Variants in ARMC10 observed in about 807,000 individuals in gnomAD.
ARMC10 encodes armadillo repeat-containing protein 10.
Under a neutral mutation model 30.2 loss-of-function variants are expected in ARMC10, and 23 were observed. The ratio of observed to expected loss-of-function variants is 0.76; its 90% CI spans 0.55 to 1.08. ARMC10 has a LOEUF of 1.08. Among genes scored for constraint, ARMC10 ranks in the 50% least tolerant of loss-of-function variants. ARMC10 has a pLI of 0.00. For synonymous variants in ARMC10, 111 were observed against 164.4 expected (o/e 0.68, Z 2.48); for missense variants, 303 against 413.7 (o/e 0.73, Z 2.32).
At chr7:103,075,517 A>G in intron 1 of ARMC10, 106 bp downstream of exon 1, 3 of 1,137,328 alleles carry the variant, frequency 2.6e-6, no homozygotes, top group Admixed American at 8.3e-5. Context: ...GAGCCGAGCT[A>G]GAGGGAGAGG....
At chr7:103,096,759 A>T (rs1428093203) in intron 5 of ARMC10, 1 of 154,700 alleles carries the variant, frequency 6.5e-6, no homozygotes, top group Non-Finnish European at 1.4e-5. Context: ...GGCCGACACC[A>T]TCATGCCTGG....
At chr7:103,097,466 T>TA in intron 6 of ARMC10, 118 bp downstream of exon 6, 1 of 641,194 alleles carries the variant, frequency 1.6e-6, no homozygotes, top group Non-Finnish European at 2.4e-6. Flanking sequence ...GGAGCAGTAT[T>TA]AAAGGTGGTT....
At chr7:103,086,899 A>G (rs765441794) in intron 4 of ARMC10, 135 bp downstream of exon 4, 17 of 1,521,160 alleles carry the variant, frequency 1.1e-5, no homozygotes, top group Non-Finnish European at 1.5e-5. Context: ...AATGGAGAAT[A>G]AGACAGAAGA....
At chr7:103,080,280 A>C (rs150117060) in intron 2 of ARMC10, among the ~76,000 whole-genome samples, 2,198 of 152,322 alleles carry the variant, frequency 0.014, 20 homozygotes, top group Middle Eastern at 0.031. Context: ...TTTGAGATGG[A>C]GTGTTGCTCT....
At chr7:103,076,442 G>A (rs1799833181) in intron 2 of ARMC10, among the ~76,000 whole-genome samples, 1 of 152,214 alleles carries the variant, frequency 6.6e-6, no homozygotes, top group African/African-American at 2.4e-5. Flanking sequence ...CTTCCTGGAA[G>A]AGTAGGTTTC....
chr7:103,081,560 A>C (rs909139995), intron 2 of ARMC10, among the ~76,000 whole-genome samples: 13 of 152,154 alleles, frequency 8.5e-5, no homozygotes, highest in Admixed American at 8.5e-4. Flanking sequence ...TTTTTAGTAG[A>C]GATGGGGTTT....
At chr7:103,082,839 C>T (rs1800509036) in intron 2 of ARMC10, among the ~76,000 whole-genome samples, 1 of 152,202 alleles carries the variant, frequency 6.6e-6, no homozygotes, top group Non-Finnish European at 1.5e-5. Context: ...TGAGCAGATC[C>T]AGCATTTGGC....
At chr7:103,077,192 A>G (rs367745015) in intron 2 of ARMC10, among the ~76,000 whole-genome samples, 3 of 152,234 alleles carry the variant, frequency 2.0e-5, no homozygotes, top group East Asian at 1.9e-4. Flanking sequence ...CACCTGGCCA[A>G]TAAAGGATTT....
Position 103,098,663 on chromosome 7 carries a change from T to C in ARMC10, c.*110T>C. 1.3e-6 allele frequency: 2 copies of C among 1,484,508 alleles called. No individual in the cohort carries two copies. Among genetic ancestry groups the C allele is most frequent in the South Asian group, 1.5e-5 (1 of 67,266 alleles). 92.0% of individuals were successfully genotyped at this position (1,484,508 alleles called of 1,614,324 possible). A position where few individuals can be genotyped will look rare whatever the true frequency, so the allele number is the denominator to read the frequency against. ...AAATTTAAACAGTAAATATCACATT[T>C]TGTCATTAACACAGCTATAACTTGC... On this transcript the variant is annotated 3_prime_UTR_variant, in exon 7 of 7. Coordinates refer to ENST00000323716, the MANE Select transcript of ARMC10 (RefSeq NM_031905.5).
intron 2 of ARMC10, 112 bp downstream of exon 2, chr7:103,075,993 A>C (rs1799755520): frequency 8.8e-6 from 6 of 681,698 alleles, no homozygotes; most frequent in Non-Finnish European, 4.5e-6. Context: ...AAACCCTCCA[A>C]AGGCATGTTT....
chr7:103,090,660 C>T (rs1974716), intron 4 of ARMC10, among the ~76,000 whole-genome samples: 133,172 of 151,080 alleles, frequency 0.88, 61,074 homozygotes, highest in East Asian at 1. Flanking sequence ...ACCACGCTTG[C>T]AATTTTTTGT....
intron 3 of ARMC10, 121 bp from the exon 4 acceptor site, chr7:103,086,509 G>A (rs552441835): frequency 3.6e-5 from 38 of 1,069,504 alleles, no homozygotes; most frequent in Middle Eastern, 3.1e-4. Context: ...ATTTGTATAT[G>A]GGAAAGAGAT....
intron 2 of ARMC10, among the ~76,000 whole-genome samples, chr7:103,082,124 T>C (rs1262925001): frequency 6.6e-6 from 1 of 152,230 alleles, no homozygotes; most frequent in Non-Finnish European, 1.5e-5. Flanking sequence ...GGTGAAACGC[T>C]ATTTTATAAG....
intron 5 of ARMC10, among the ~76,000 whole-genome samples, chr7:103,093,371 C>T (rs1021222027): frequency 1.3e-5 from 2 of 152,154 alleles, no homozygotes; most frequent in African/African-American, 4.8e-5. Flanking sequence ...AATGTGAAGC[C>T]ATACTCCAAA....
rs548740984 is a variant in ARMC10, at chr7:103,075,450, G to A, written c.139+39G>A. On this transcript the variant is annotated intron_variant, in intron 1 of 6. Coordinates refer to ENST00000323716, the MANE Select transcript of ARMC10 (RefSeq NM_031905.5). ...GTTTCCGGCAGGTGGGCGGGGACTG[G>A]GCAGGGGGGCTCCCCAGGCCGGGGT... is the stretch of plus-strand genomic sequence containing the variant. 21 of 1,281,830 alleles carry A rather than the reference G, an allele frequency of 1.6e-5. No individual in the cohort carries two copies. In the African/African-American group the frequency reaches 2.7e-4, roughly 17 times the overall value. 79.4% of individuals were successfully genotyped at this position (1,281,830 alleles called of 1,614,324 possible). A position where few individuals can be genotyped will look rare whatever the true frequency, so the allele number is the denominator to read the frequency against.
At chr7:103,079,927 A>G (rs1249297537) in intron 2 of ARMC10, among the ~76,000 whole-genome samples, 1 of 152,224 alleles carries the variant, frequency 6.6e-6, no homozygotes, top group South Asian at 2.1e-4. Flanking sequence ...TTGTGTTCCC[A>G]GTTGGAAAGA....
chr7:103,075,819 G>C lies in ARMC10; in HGVS notation c.182G>C (p.Arg61Pro). The C allele has an allele frequency of 6.2e-7, 1 of 1,610,766 alleles. No homozygotes were observed. The highest frequency in any genetic ancestry group is 8.5e-7 in the Non-Finnish European group (1 of 1,178,608). ...EGTSEGQLCG[R>P]SARPQTGGTW... Reference sequence around the variant, plus strand: ...ACGTCAGAGGGTCAGTTGTGCGGGCGCTCGGCCCGGCCTCAGACGGGAGGT... The same window carrying C: ...ACGTCAGAGGGTCAGTTGTGCGGGCCCTCGGCCCGGCCTCAGACGGGAGGT... The change falls in exon 2 of 7, where the codon CGC (arginine) becomes CCC (proline). Residue 61 changes from arginine (R) to proline (P), a missense_variant. Coordinates refer to ENST00000323716, the MANE Select transcript of ARMC10 (RefSeq NM_031905.5).
intron 6 of ARMC10, 38 bp downstream of exon 6, chr7:103,097,386 T>C (rs1255290402): frequency 1.4e-6 from 2 of 1,391,324 alleles, no homozygotes; most frequent in East Asian, 4.8e-5. Flanking sequence ...AATATACACA[T>C]ATATACATTT....
intron 2 of ARMC10, among the ~76,000 whole-genome samples, chr7:103,082,675 G>A (rs1278013718): frequency 1.3e-5 from 2 of 152,092 alleles, no homozygotes; most frequent in African/African-American, 4.8e-5. Context: ...TTGAGATCAT[G>A]TAACACCTAT....
Sources: allele counts gnomAD v4.1 joint callset (sites outside exome capture counted in the v4.1 genomes callset), GRCh38; gene constraint gnomAD v4.1.1; transcripts MANE v1.5; gene names NCBI Gene and HGNC (gene_info 2026-07-23, HGNC 2026-07-21).